The following RUNX1T1 variants were observed in gnomAD, a reference collection of about 807,000 sequenced individuals.
The protein encoded by RUNX1T1 is protein CBFA2T1.
RUNX1T1 carries 4 observed loss-of-function variants against 62.8 expected under a neutral mutation model. That is an observed-to-expected ratio of 0.06 (90% confidence interval 0.03 to 0.15). The LOEUF (loss-of-function observed/expected upper bound fraction) is 0.15, where lower values mean the gene tolerates loss of function less well. Ranked by LOEUF, RUNX1T1 falls within the 10% of genes least tolerant of loss-of-function variation. RUNX1T1 has a pLI of 1.00. For missense variants in RUNX1T1, 508 were observed against 754.3 expected, an observed-to-expected ratio of 0.67 and a Z score of 3.82; for synonymous variants, 291 against 286.0, an observed-to-expected ratio of 1.02 and a Z score of -0.18.
intron 1 of RUNX1T1, among the ~76,000 whole-genome samples, chr8:92,029,983 A>G (rs1018703386): frequency 5.3e-5 from 8 of 152,188 alleles, no homozygotes; most frequent in Admixed American, 3.9e-4. Flanking sequence ...AAGTGTTTCA[A>G]TGGTTTACCA....
intron 1 of RUNX1T1, among the ~76,000 whole-genome samples, chr8:92,031,269 T>C (rs1826166073): frequency 6.6e-6 from 1 of 152,186 alleles, no homozygotes; most frequent in African/African-American, 2.4e-5. Flanking sequence ...CTAAACCATC[T>C]AAAAAAGTTA....
chr8:92,087,171 G>T (rs561015581), intron 1 of RUNX1T1, among the ~76,000 whole-genome samples: 2 of 152,208 alleles, frequency 1.3e-5, no homozygotes, highest in Admixed American at 6.5e-5. Context: ...TGCCCAATCT[G>T]GGTACCCTCC....
At chr8:92,077,060 C>G (rs1372269048) in intron 1 of RUNX1T1, among the ~76,000 whole-genome samples, 1 of 152,016 alleles carries the variant, frequency 6.6e-6, no homozygotes, top group Admixed American at 6.6e-5. Context: ...GACCAAATTA[C>G]TTCCTAGAAA....
intron 1 of RUNX1T1, among the ~76,000 whole-genome samples, chr8:92,024,249 C>T (rs1824684310): frequency 6.6e-6 from 1 of 152,036 alleles, no homozygotes; most frequent in Non-Finnish European, 1.5e-5. Flanking sequence ...TAGCTCACGC[C>T]TGTAATTCCA....
At chr8:92,005,033 TTTAA>T (rs1476409107) in intron 5 of RUNX1T1, 79 bp downstream of exon 6, 20 of 1,226,260 alleles carry the variant, frequency 1.6e-5, no homozygotes, top group Non-Finnish European at 2.0e-5. Context: ...AGGCCAGCGG[TTTAA>T]TTGTGACATG....
At chr8:92,099,790 C>A (rs754637984), upstream of RUNX1T1, 1 of 223,948 alleles carries the variant, frequency 4.5e-6, no homozygotes, top group Non-Finnish European at 7.5e-6. Flanking sequence ...CCTAAACTGA[C>A]AACCACTGAC....
At chr8:92,022,162 T>C (rs1207026059) in intron 1 of RUNX1T1, among the ~76,000 whole-genome samples, 2 of 151,834 alleles carry the variant, frequency 1.3e-5, no homozygotes, top group East Asian at 3.9e-4. Context: ...AATAAATATG[T>C]AGTAATATAA....
chr8:92,090,402 G>C (rs1052397338), intron 1 of RUNX1T1, among the ~76,000 whole-genome samples: 3 of 151,916 alleles, frequency 2.0e-5, no homozygotes, highest in Admixed American at 6.6e-5. Context: ...CTAAGGACTG[G>C]GCAGAAAATC....
intron 1 of RUNX1T1, among the ~76,000 whole-genome samples, chr8:92,076,530 T>G (rs1241252174): frequency 6.6e-6 from 1 of 152,160 alleles, no homozygotes; most frequent in African/African-American, 2.4e-5. Flanking sequence ...CATTATTATT[T>G]ATGGAATTTT....
upstream of RUNX1T1, among the ~76,000 whole-genome samples, chr8:92,066,424 T>C (rs1350602791): frequency 6.6e-6 from 1 of 152,208 alleles, no homozygotes; most frequent in East Asian, 1.9e-4. Context: ...AGCTCTGCTT[T>C]CAAATTCAAA....
At chr8:92,079,434 T>C (rs1015360618) in intron 1 of RUNX1T1, among the ~76,000 whole-genome samples, 6 of 152,278 alleles carry the variant, frequency 3.9e-5, no homozygotes, top group Admixed American at 2.6e-4. Flanking sequence ...TTGTAAGCAA[T>C]TGTGTGTCCC....
intron 3 of RUNX1T1, 101 bp from the exon 5 acceptor site, chr8:92,011,192 C>T (rs1821849078): frequency 6.1e-6 from 4 of 650,922 alleles, no homozygotes; most frequent in Admixed American, 5.5e-5. Flanking sequence ...AGTGTAATAA[C>T]AAGCAAACAT....
intron 1 of RUNX1T1, among the ~76,000 whole-genome samples, chr8:92,023,019 T>A (rs1207886775): frequency 3.9e-5 from 6 of 152,188 alleles, no homozygotes; most frequent in African/African-American, 1.4e-4. Flanking sequence ...TTGTTGCACA[T>A]TAGTCAGATT....
intron 1 of RUNX1T1, among the ~76,000 whole-genome samples, chr8:92,026,389 G>A (rs1185832550): frequency 2.0e-5 from 3 of 152,196 alleles, no homozygotes; most frequent in African/African-American, 4.8e-5. Flanking sequence ...TTTGCCCAAG[G>A]TTTTAAGTCA....
At chr8:92,037,001 A>G (rs143506178) in intron 1 of RUNX1T1, among the ~76,000 whole-genome samples, 2 of 152,332 alleles carry the variant, frequency 1.3e-5, no homozygotes, top group East Asian at 3.9e-4. Flanking sequence ...TGAAGTTCCA[A>G]TAGTCATTTC....
chr8:92,014,463 T>G, intron 3 of RUNX1T1, 116 bp downstream of exon 4: 1 of 972,948 alleles, frequency 1.0e-6, no homozygotes, highest in Non-Finnish European at 1.5e-6. Context: ...CACACAATCT[T>G]CAGATGTAGA....
At chr8:91,970,906 T>A in intron 9 of RUNX1T1, 58 bp from the exon 11 acceptor site, 1 of 1,388,342 alleles carries the variant, frequency 7.2e-7, no homozygotes, top group Non-Finnish European at 9.6e-7. Context: ...GCCGAAGTCA[T>A]TGGATACGGA....
exon 3 of RUNX1T1, chr8:92,014,767 G>A: frequency 6.2e-7 from 1 of 1,613,996 alleles, no homozygotes; most frequent in South Asian, 1.1e-5. Flanking sequence ...AAGCCATTGG[G>A]TGGTGAGGGG....
At chr8:91,955,237 TCA>T (rs1283661419), downstream of RUNX1T1, 1 of 220,942 alleles carries the variant, frequency 4.5e-6, no homozygotes, top group Non-Finnish European at 9.1e-6. Flanking sequence ...AATGAAAACG[TCA>T]CAGAGGTGTT....
Sources: gnomAD v4.1 joint callset for allele counts (sites outside exome capture counted in the v4.1 genomes callset) on GRCh38, gnomAD v4.1.1 for gene constraint, MANE v1.5 for transcripts, NCBI Gene and HGNC (gene_info 2026-07-23, HGNC 2026-07-21) for gene names.